Variants in KCNIP4 observed in about 807,000 individuals in gnomAD.
The protein encoded by KCNIP4 is Kv channel-interacting protein 4.
A neutral mutation model predicts 34.0 loss-of-function variants in KCNIP4; 12 were observed. The ratio of observed to expected loss-of-function variants is 0.35; its 90% CI spans 0.23 to 0.57. The LOEUF is 0.57. Ranked by LOEUF, KCNIP4 falls within the 20% of genes least tolerant of loss-of-function variation. The pLI is 0.83. For synonymous variants in KCNIP4, 124 were observed against 102.2 expected, an observed-to-expected ratio of 1.21 and a Z score of -1.29; for missense variants, 238 against 311.7, an observed-to-expected ratio of 0.76 and a Z score of 1.78.
intron 1 of KCNIP4, among the ~76,000 whole-genome samples, chr4:21,670,968 T>C (rs1749457196): frequency 6.9e-6 from 1 of 145,606 alleles, no homozygotes; most frequent in Non-Finnish European, 1.5e-5. Flanking sequence ...GTAAACTTTT[T>C]TTTTTTTTTA....
chr4:20,909,405 T>G (rs191205417), intron 1 of KCNIP4, among the ~76,000 whole-genome samples: 13 of 152,260 alleles, frequency 8.5e-5, no homozygotes, highest in Admixed American at 7.2e-4. Context: ...TGGCTATGCA[T>G]ATCTCTCTTG....
chr4:21,709,211 T>G (rs1181461187), intron 1 of KCNIP4, among the ~76,000 whole-genome samples: 1 of 152,150 alleles, frequency 6.6e-6, no homozygotes, highest in Non-Finnish European at 1.5e-5. Context: ...GAACAATAAA[T>G]GTCCTGACCT....
At chr4:21,002,967 C>T (rs578176379) in intron 1 of KCNIP4, among the ~76,000 whole-genome samples, 6 of 152,280 alleles carry the variant, frequency 3.9e-5, no homozygotes, top group African/African-American at 1.4e-4. Context: ...ATAAACATCC[C>T]TCACATAATG....
At chr4:21,873,893 A>T (rs1158517823) in intron 1 of KCNIP4, among the ~76,000 whole-genome samples, 1 of 152,222 alleles carries the variant, frequency 6.6e-6, no homozygotes, top group African/African-American at 2.4e-5. Flanking sequence ...ATTTGAGGGC[A>T]GGAAGGTGAA....
chr4:21,091,292 A>T (rs1385960883), intron 1 of KCNIP4, among the ~76,000 whole-genome samples: 2 of 152,228 alleles, frequency 1.3e-5, no homozygotes, highest in South Asian at 2.1e-4. Context: ...GGAAAAATAA[A>T]ACCATTAACA....
At chr4:21,771,066 TG>T (rs1718750081) in intron 1 of KCNIP4, among the ~76,000 whole-genome samples, 1 of 152,162 alleles carries the variant, frequency 6.6e-6, no homozygotes. Flanking sequence ...AGGGATCTTA[TG>T]GTTTTTGGTT....
At chr4:21,425,517 C>A (rs1042652308) in intron 1 of KCNIP4, among the ~76,000 whole-genome samples, 11 of 151,766 alleles carry the variant, frequency 7.2e-5, no homozygotes, top group East Asian at 1.9e-4. Context: ...TAAAAGTAAT[C>A]CTTTAAAGAA....
chr4:21,091,797 C>G (rs192824792), intron 1 of KCNIP4, among the ~76,000 whole-genome samples: 15 of 152,064 alleles, frequency 9.9e-5, no homozygotes, highest in Admixed American at 9.8e-4. Flanking sequence ...ATAAAGACAC[C>G]AATCCATTCA....
intron 1 of KCNIP4, among the ~76,000 whole-genome samples, chr4:21,650,133 C>T (rs1201890635): frequency 1.3e-5 from 2 of 152,120 alleles, no homozygotes; most frequent in Non-Finnish European, 2.9e-5. Flanking sequence ...AAGCATTTTC[C>T]TTCCCAACCC....
At chr4:20,789,514 C>T (rs558896218) in intron 3 of KCNIP4, among the ~76,000 whole-genome samples, 1 of 152,026 alleles carries the variant, frequency 6.6e-6, no homozygotes, top group Non-Finnish European at 1.5e-5. Context: ...CTACAAATGT[C>T]TCTCCTTCCT....
intron 1 of KCNIP4, among the ~76,000 whole-genome samples, chr4:20,907,472 A>G (rs1312708050): frequency 6.6e-6 from 1 of 152,260 alleles, no homozygotes; most frequent in Non-Finnish European, 1.5e-5. Context: ...AATCAAATGA[A>G]ATAATAAATA....
chr4:20,992,160 A>G lies in KCNIP4; in HGVS notation c.62-109451T>C, dbSNP rs1445357107. 2.0e-5 allele frequency among the ~76,000 whole-genome samples: 3 copies of G among 152,332 alleles called. No individual in the cohort carries two copies. The South Asian group carries it at 6.2e-4, about 32-fold the overall frequency. On this transcript the variant is annotated intron_variant, in intron 1 of 8. Transcript: ENST00000382152. ...CTCGAGACTGGGTAATTTATGAAGG[A>G]AAGAGGTTTACTTGACTCACACTTC...
At chr4:21,155,207 T>G (rs1212170001) in intron 1 of KCNIP4, among the ~76,000 whole-genome samples, 2 of 152,208 alleles carry the variant, frequency 1.3e-5, no homozygotes, top group East Asian at 3.9e-4. Context: ...CCAGACTTCC[T>G]TTATGAGAGA....
intron 1 of KCNIP4, among the ~76,000 whole-genome samples, chr4:21,585,891 T>C (rs1026849664): frequency 3.9e-5 from 6 of 152,090 alleles, no homozygotes; most frequent in African/African-American, 1.2e-4. Context: ...GGATCATGAT[T>C]ATAATTAAGT....
Position 21,833,108 on chromosome 4 carries a change from T to G in KCNIP4, c.61+115463A>C, listed in dbSNP as rs994831077. 2.1e-3 allele frequency among the ~76,000 whole-genome samples: 315 copies of G among 151,172 alleles called. 1 individual carries two copies. Among genetic ancestry groups the G allele is most frequent in the Non-Finnish European group, 1.9e-3 (132 of 67,918 alleles). ...TATAGTCCTTTGGGTATATACCTAGTAATGGGATGGCTGGGTCAAATGGTA... is the reference window on the plus strand; with the variant it reads ...TATAGTCCTTTGGGTATATACCTAGGAATGGGATGGCTGGGTCAAATGGTA... On this transcript the variant is annotated intron_variant, in intron 1 of 8. Coordinates refer to ENST00000382152, the MANE Select transcript of KCNIP4 (RefSeq NM_025221.6).
intron 1 of KCNIP4, among the ~76,000 whole-genome samples, chr4:21,766,491 T>C (rs1440848889): frequency 6.6e-6 from 1 of 152,140 alleles, no homozygotes; most frequent in East Asian, 1.9e-4. Context: ...TTAAAATAAA[T>C]GTTTCCCAGG....
At chr4:21,026,146 G>T (rs1251153616) in intron 1 of KCNIP4, among the ~76,000 whole-genome samples, 1 of 152,182 alleles carries the variant, frequency 6.6e-6, no homozygotes, top group East Asian at 1.9e-4. Context: ...TTTCTGGTCA[G>T]ATTTGACCAA....
intron 1 of KCNIP4, among the ~76,000 whole-genome samples, chr4:20,899,022 G>A (rs993926970): frequency 6.6e-6 from 1 of 152,070 alleles, no homozygotes; most frequent in Non-Finnish European, 1.5e-5. Flanking sequence ...TTGCAAAAAA[G>A]ATTTTTGTAC....
Position 20,817,344 on chromosome 4 carries a change from C to T in KCNIP4, c.288+33199G>A, listed in dbSNP as rs116353509. ...CACACAGCCCATGCTACTCTGGCTC[C>T]GATGTCCTTTTCAGTTGCTGGTTGG... On this transcript the variant is annotated intron_variant, in intron 3 of 8. Transcript: ENST00000382152. Among the ~76,000 whole-genome samples the T allele has an allele frequency of 3.3e-3, 500 of 152,262 alleles. 3 individuals carry two copies. The highest frequency in any genetic ancestry group is 4.4e-3 in the Non-Finnish European group (297 of 68,026).
Sources: allele counts gnomAD v4.1 joint callset (sites outside exome capture counted in the v4.1 genomes callset), GRCh38; gene constraint gnomAD v4.1.1; transcripts MANE v1.5; gene names NCBI Gene and HGNC (gene_info 2026-07-23, HGNC 2026-07-21).